Variants in CPA6 observed in about 807,000 individuals in gnomAD.
The protein encoded by CPA6 is carboxypeptidase A6, also known as carboxypeptidase B.
In CPA6, 58 loss-of-function variants were observed where a neutral mutation model predicts 63.3. The observed-to-expected ratio is 0.92, with a 90% CI of 0.74 to 1.14. The LOEUF (loss-of-function observed/expected upper bound fraction) is 1.14, where lower values mean the gene tolerates loss of function less well. CPA6 is among the 50% of genes most tolerant of loss of function. CPA6 has a pLI of 0.00. For missense variants in CPA6, 565 were observed against 526.6 expected (o/e 1.07, Z -0.71); for synonymous variants, 185 against 179.0 (o/e 1.03, Z -0.27).
chr8:67,719,285 C>T (rs1289287182), intron 1 of CPA6, among the ~76,000 whole-genome samples: 2 of 151,910 alleles, frequency 1.3e-5, no homozygotes, highest in African/African-American at 2.4e-5. Context: ...TTAAAATGAG[C>T]GGCTGAAGGT....
At chr8:67,653,224 GCT>G (rs1213063544) in intron 1 of CPA6, among the ~76,000 whole-genome samples, 7 of 151,878 alleles carry the variant, frequency 4.6e-5, no homozygotes, top group Admixed American at 2.0e-4. Context: ...GGCGATGTGG[GCT>G]CTTTTTTGGT....
chr8:67,610,951 G>A (rs610372), intron 2 of CPA6, among the ~76,000 whole-genome samples: 56,457 of 151,908 alleles, frequency 0.37, 11,364 homozygotes, highest in East Asian at 0.51. Context: ...TAAATAACAT[G>A]TATTTGCCAT....
At chr8:67,692,267 C>T (rs1382208015) in intron 1 of CPA6, among the ~76,000 whole-genome samples, 3 of 141,406 alleles carry the variant, frequency 2.1e-5, no homozygotes, top group Non-Finnish European at 3.0e-5. Context: ...ATCCAGGAAG[C>T]AGAGGTTGCG....
Position 67,490,064 on chromosome 8 carries a change from A to C in CPA6, c.637-5275T>G, listed in dbSNP as rs113443463. Among the ~76,000 whole-genome samples the C allele has an allele frequency of 5.2e-3, 790 of 152,230 alleles. 5 individuals carry two copies. Among genetic ancestry groups the C allele is most frequent in the Non-Finnish European group, 6.6e-3 (449 of 68,014 alleles). ...AATTTCAGCTATTCTCCATCTGGTCACACAAAGCAAGAATCATCACGACGT... is the reference window on the plus strand; with the variant it reads ...AATTTCAGCTATTCTCCATCTGGTCCCACAAAGCAAGAATCATCACGACGT... On this transcript the variant is annotated intron_variant, in intron 6 of 10. Coordinates refer to ENST00000297770, the MANE Select transcript of CPA6 (RefSeq NM_020361.5).
chr8:67,668,600 G>A lies in CPA6; in HGVS notation c.117-44349C>T, dbSNP rs138717122. Among the ~76,000 whole-genome samples the A allele has an allele frequency of 7.3e-3, 1,106 of 152,232 alleles. 6 individuals carry two copies. Among genetic ancestry groups the A allele is most frequent in the Middle Eastern group, 0.027 (8 of 294 alleles). ...ACATACCCCACAAAAAATGTGCTCC[G>A]GTAGGAACAAAGGATACCTGTTGGT... is the stretch of plus-strand genomic sequence containing the variant. On this transcript the variant is annotated intron_variant, in intron 1 of 10. Transcript: ENST00000297770.
intron 2 of CPA6, among the ~76,000 whole-genome samples, chr8:67,560,420 A>G (rs1813179846): frequency 6.6e-6 from 1 of 152,132 alleles, no homozygotes; most frequent in Non-Finnish European, 1.5e-5. Flanking sequence ...AAGCTTTCAA[A>G]GGTAGGAAAT....
In CPA6 at chr8:67,428,068, C is replaced by A; in HGVS notation, c.1105G>T (p.Gly369Ter). Reference protein sequence around the residue: ...QSVYGVRYRYGPASTTLYVSS... With the variant: ...QSVYGVRYRY ...TTACACAACGTTGTGGAGGCTGGTC[C>A]ATATCTGTATCGTACCCCGTATACT... The change falls in exon 10 of 11, where the codon GGA becomes TGA. Residue 369 changes from glycine to a stop codon, truncating the protein, a stop_gained. Transcript: ENST00000297770. LOFTEE classifies it high-confidence loss of function. 6.2e-7 allele frequency: 1 copy of A among 1,612,090 alleles called. No individual in the cohort carries two copies. The highest frequency in any genetic ancestry group is 1.1e-5 in the South Asian group (1 of 91,008).
intron 1 of CPA6, among the ~76,000 whole-genome samples, chr8:67,669,147 A>G (rs1369760405): frequency 6.6e-6 from 1 of 152,228 alleles, no homozygotes; most frequent in Non-Finnish European, 1.5e-5. Context: ...ATCTATTGTC[A>G]AAATTACATA....
At chr8:67,659,169 A>G (rs1286528027) in intron 1 of CPA6, among the ~76,000 whole-genome samples, 2 of 152,026 alleles carry the variant, frequency 1.3e-5, no homozygotes, top group African/African-American at 2.4e-5. Context: ...TGCTCTCTTT[A>G]TGCTCCAGAT....
intron 8 of CPA6, among the ~76,000 whole-genome samples, chr8:67,442,688 T>C (rs976094473): frequency 2.4e-4 from 36 of 152,172 alleles, no homozygotes; most frequent in African/African-American, 8.2e-4. Flanking sequence ...GAGCTTGTAG[T>C]GTTCTCTAGG....
chr8:67,646,707 A>G (rs1013154841), intron 1 of CPA6, among the ~76,000 whole-genome samples: 4 of 152,226 alleles, frequency 2.6e-5, no homozygotes, highest in Non-Finnish European at 4.4e-5. Context: ...GAAGGATCCC[A>G]TGAATCAATT....
intron 8 of CPA6, among the ~76,000 whole-genome samples, chr8:67,463,071 T>C (rs1810848758): frequency 1.3e-5 from 2 of 152,222 alleles, no homozygotes; most frequent in African/African-American, 2.4e-5. Context: ...GCTTAATTGG[T>C]TATTTGGCTA....
intron 1 of CPA6, among the ~76,000 whole-genome samples, chr8:67,649,335 T>C (rs1815785072): frequency 6.6e-6 from 1 of 152,030 alleles, no homozygotes; most frequent in Non-Finnish European, 1.5e-5. Flanking sequence ...AACTAAAGAG[T>C]CTGCAGGGAA....
At chr8:67,429,919 G>A (rs1278637703) in intron 9 of CPA6, among the ~76,000 whole-genome samples, 3 of 152,072 alleles carry the variant, frequency 2.0e-5, no homozygotes, top group South Asian at 2.1e-4. Context: ...GTACTGGTGC[G>A]TGTTGACTAG....
At chr8:67,547,369 A>G (rs1812840807) in intron 2 of CPA6, among the ~76,000 whole-genome samples, 1 of 152,246 alleles carries the variant, frequency 6.6e-6, no homozygotes, top group African/African-American at 2.4e-5. Flanking sequence ...TAAATGAACT[A>G]TACCTGATTC....
intron 6 of CPA6, among the ~76,000 whole-genome samples, chr8:67,499,875 A>C (rs115982087): frequency 0.031 from 4,670 of 152,264 alleles, 242 homozygotes; most frequent in African/African-American, 0.1. Flanking sequence ...GATGTACTAC[A>C]GTTTGTTTAA....
At chr8:67,483,357 G>C (rs1811399578) in intron 8 of CPA6, 1 of 214,304 alleles carries the variant, frequency 4.7e-6, no homozygotes, top group Admixed American at 5.3e-5. Flanking sequence ...GTAGAATATA[G>C]ACAAGGTCAT....
chr8:67,663,614 C>T (rs1226357641), intron 1 of CPA6, among the ~76,000 whole-genome samples: 1 of 152,030 alleles, frequency 6.6e-6, no homozygotes, highest in Non-Finnish European at 1.5e-5. Context: ...TAAATGAGAA[C>T]ATGAGGTGTT....
At chr8:67,740,045 T>G (rs1817883901) in intron 1 of CPA6, among the ~76,000 whole-genome samples, 1 of 152,184 alleles carries the variant, frequency 6.6e-6, no homozygotes, top group East Asian at 1.9e-4. Context: ...GAGGCATATT[T>G]GAAGACATGG....
Sources: allele counts gnomAD v4.1 joint callset (sites outside exome capture counted in the v4.1 genomes callset), GRCh38; gene constraint gnomAD v4.1.1; transcripts MANE v1.5; gene names NCBI Gene and HGNC (gene_info 2026-07-23, HGNC 2026-07-21).